EPG5: variants seen among roughly 807,000 people sequenced by gnomAD.
EPG5 encodes the protein ectopic P granules protein 5 homolog.
EPG5 carries 159 observed loss-of-function variants against 302.7 expected under a neutral mutation model. That is an observed-to-expected ratio of 0.53 (90% confidence interval 0.46 to 0.60). The LOEUF (loss-of-function observed/expected upper bound fraction) is 0.60, where lower values mean the gene tolerates loss of function less well. Among genes scored for constraint, EPG5 ranks in the 20% least tolerant of loss-of-function variants. EPG5 has a pLI of 0.00. For missense variants in EPG5, 2,896 were observed against 3,092.4 expected, an observed-to-expected ratio of 0.94 and a Z score of 1.51; for synonymous variants, 1,158 against 1,136.8, an observed-to-expected ratio of 1.02 and a Z score of -0.37.
chr18:45,812,819 A>C, the EPG5 span, among the ~76,000 whole-genome samples: 5 of 152,248 alleles, frequency 3.3e-5, no homozygotes, highest in South Asian at 6.2e-4. Flanking sequence ...AAAAACCCTA[A>C]AAGAAAACCT....
In EPG5 at chr18:45,954,324, C is replaced by T. The variant is rs151303285; in HGVS notation, c.1008+70G>A. Reference sequence around the variant, plus strand: ...GGTCAGAGTGGGTGTAAGGCACAGACTCCAGACCTGGACAACATCCCAGGA... The same window carrying T: ...GGTCAGAGTGGGTGTAAGGCACAGATTCCAGACCTGGACAACATCCCAGGA... On this transcript the variant is annotated intron_variant, in intron 2 of 43. Transcript: ENST00000282041. 4.2e-4 allele frequency: 597 copies of T among 1,422,404 alleles called. 3 individuals carry two copies. The African/African-American group carries it at 7.4e-3, about 18-fold the overall frequency. 88.1% of individuals were successfully genotyped at this position (1,422,404 alleles called of 1,614,324 possible). A position where few individuals can be genotyped will look rare whatever the true frequency, so the allele number is the denominator to read the frequency against.
At chr18:45,931,354 C>T (rs182873464) in intron 11 of EPG5, among the ~76,000 whole-genome samples, 13 of 152,112 alleles carry the variant, frequency 8.5e-5, no homozygotes, top group African/African-American at 2.4e-4. Context: ...TAGTTATAAC[C>T]GTAAATGAAA....
At chr18:45,846,296 G>A (rs953951671), downstream of EPG5, among the ~76,000 whole-genome samples, 5 of 151,980 alleles carry the variant, frequency 3.3e-5, no homozygotes, top group Admixed American at 6.6e-5. Context: ...CGAGGTGGGC[G>A]GATCACCTGA....
the EPG5 span, among the ~76,000 whole-genome samples, chr18:45,822,398 G>T: frequency 6.6e-6 from 1 of 152,100 alleles, no homozygotes. Flanking sequence ...GGAAGGGTAG[G>T]GAAAGGAGAG....
intron 27 of EPG5, among the ~76,000 whole-genome samples, chr18:45,893,352 G>A (rs1203852341): frequency 1.3e-5 from 2 of 152,086 alleles, no homozygotes; most frequent in African/African-American, 4.8e-5. Flanking sequence ...TTCACTTGAG[G>A]TCAGGAGGTC....
rs1282719871 is a variant in EPG5, at chr18:45,924,476, C to T, written c.2719-1089G>A. Among the ~76,000 whole-genome samples, 5 of 152,238 alleles carry T rather than the reference C, an allele frequency of 3.3e-5. No homozygotes were observed. The East Asian group carries it at 5.8e-4, about 18-fold the overall frequency. On this transcript the variant is annotated intron_variant, in intron 14 of 43. Transcript: ENST00000282041. Reference sequence around the variant, plus strand: ...CCTCATCTGCACAACAGGTATCATGCTGTCCAGGACTAAATGACTTGCTCA... The same window carrying T: ...CCTCATCTGCACAACAGGTATCATGTTGTCCAGGACTAAATGACTTGCTCA...
At chr18:45,949,418 T>C (rs1160125937) in intron 5 of EPG5, 66 bp downstream of exon 5, 1 of 884,406 alleles carries the variant, frequency 1.1e-6, no homozygotes, top group African/African-American at 1.7e-5. Context: ...CAGCAATTTC[T>C]TCAGGAATAA....
chr18:45,806,761 G>A, the EPG5 span, among the ~76,000 whole-genome samples: 4 of 152,184 alleles, frequency 2.6e-5, no homozygotes, highest in African/African-American at 2.4e-5. Context: ...CTGGCCTCAC[G>A]GGATCCTTCA....
intron 1 of EPG5, among the ~76,000 whole-genome samples, chr18:45,960,027 G>GT (rs2051115059): frequency 6.6e-6 from 1 of 152,102 alleles, no homozygotes; most frequent in Non-Finnish European, 1.5e-5. Context: ...GCTCACACGT[G>GT]TAATCCCAGC....
the EPG5 span, among the ~76,000 whole-genome samples, chr18:45,800,968 GCATC>G: frequency 6.6e-6 from 1 of 152,170 alleles, no homozygotes; most frequent in Non-Finnish European, 1.5e-5. Flanking sequence ...AGACTCCAAA[GCATC>G]TTCCTCCTAC....
At chr18:45,962,957 T>A (rs1327824953) in intron 1 of EPG5, among the ~76,000 whole-genome samples, 1 of 152,188 alleles carries the variant, frequency 6.6e-6, no homozygotes, top group East Asian at 1.9e-4. Context: ...ACTTTTTTCA[T>A]CCGTTTTCTC....
rs199602966 is a variant in EPG5 at position 45,858,627 on chromosome 18, A to C, written c.7165T>G (p.Leu2389Val). Residue 2389 changes from leucine (L) to valine (V), a missense_variant, in exon 41 of 44, where the codon TTA becomes GTA. By Grantham distance (32) the Leu-to-Val change is conservative. Around this residue, in one of 5 missense-constraint regions of EPG5, gnomAD observed 620 missense variants for 704.2 expected, o/e 0.88. Coordinates refer to ENST00000282041, the MANE Select transcript of EPG5 (RefSeq NM_020964.3). ...AGCAGCACTTTCATTTCATTCCTTA[A>C]AGTCTGTTCGCTGTTTAAACACTGA... ...LLQCLNSEQT[L>V]RNEMKVLLIL... 4.7e-4 allele frequency: 762 copies of C among 1,614,100 alleles called. 1 individual carries two copies. Among genetic ancestry groups the C allele is most frequent in the Non-Finnish European group, 5.4e-4 (639 of 1,180,006 alleles).
chr18:45,910,802 CA>C (rs1260347888), intron 22 of EPG5, 60 bp from the exon 23 acceptor site: 10 of 1,340,672 alleles, frequency 7.5e-6, no homozygotes, highest in Non-Finnish European at 1.0e-5. Flanking sequence ...TTCTGTATGG[CA>C]TAAAATAGCA....
chr18:45,880,167 C>T lies in EPG5; in HGVS notation c.5575G>A (p.Gly1859Ser), dbSNP rs778548949. ...TGCTGGCAGCTGGGGGCGCAGCAGC[C>T]CAGGGCTCTCAGAGTGGCCTTCCAA... ...ECWKATLRAL[G>S]CCAPSCQQGA... Residue 1859 changes from glycine (G) to serine (S), a missense_variant, in exon 32 of 44, where the codon GGC becomes AGC. This residue lies in a region of EPG5 where 790 missense variants were observed against 798.0 expected (regional missense o/e 0.99). Coordinates refer to ENST00000282041, the MANE Select transcript of EPG5 (RefSeq NM_020964.3). 1.2e-6 allele frequency: 2 copies of T among 1,611,406 alleles called. No individual in the cohort carries two copies. The highest frequency in any genetic ancestry group is 2.7e-5 in the African/African-American group (2 of 74,838).
At chr18:45,884,485 CT>C (rs1391502826) in intron 30 of EPG5, 131 bp downstream of exon 30, 7 of 716,926 alleles carry the variant, frequency 9.8e-6, no homozygotes. Context: ...CTCATGCAAA[CT>C]GTGAAAAAGG....
the EPG5 span, among the ~76,000 whole-genome samples, chr18:45,801,008 G>T: frequency 1.3e-5 from 2 of 152,044 alleles, no homozygotes; most frequent in African/African-American, 2.4e-5. Flanking sequence ...TGTTTTGTGT[G>T]TTTGGGTTTT....
intron 24 of EPG5, among the ~76,000 whole-genome samples, chr18:45,904,688 T>C (rs2049705298): frequency 1.3e-5 from 2 of 152,010 alleles, no homozygotes; most frequent in Admixed American, 1.3e-4. Context: ...TTATAAGACA[T>C]ATCAACCAAT....
chr18:45,967,234 G>T lies in EPG5; in HGVS notation c.6C>A (p.Ala2=). The change falls in exon 1 of 44, where the codon GCC becomes GCA. Residue 2 remains alanine, a synonymous_variant. Coordinates refer to ENST00000282041, the MANE Select transcript of EPG5 (RefSeq NM_020964.3). ...CCCGGCGCTGGGGCTTCACCGCCTC[G>T]GCCATAGACCCTTCCGCGGCGCCGT... M[A]EAVKPQRRAK... 3 of 1,601,152 alleles carry T rather than the reference G, an allele frequency of 1.9e-6. No individual in the cohort carries two copies. The East Asian group carries it at 6.8e-5, about 36-fold the overall frequency.
chr18:45,938,327 T>C (rs1473388815), intron 10 of EPG5, among the ~76,000 whole-genome samples: 4 of 152,158 alleles, frequency 2.6e-5, no homozygotes, highest in African/African-American at 4.8e-5. Flanking sequence ...CCGGGCATGA[T>C]GGCAAGCGCC....
Sources: allele counts gnomAD v4.1 joint callset (sites outside exome capture counted in the v4.1 genomes callset), GRCh38; gene constraint gnomAD v4.1.1; regional missense constraint gnomAD v4.1.1; transcripts MANE v1.5; gene names NCBI Gene and HGNC (gene_info 2026-07-23, HGNC 2026-07-21).